COLEC12: variants seen among roughly 807,000 people sequenced by gnomAD.
COLEC12 encodes the protein collectin-12.
COLEC12 carries 33 observed loss-of-function variants against 71.1 expected under a neutral mutation model. The observed-to-expected ratio is 0.46, with a 90% CI of 0.35 to 0.62. COLEC12 has a LOEUF of 0.62. Among genes scored for constraint, COLEC12 ranks in the 20% least tolerant of loss-of-function variants. COLEC12 has a pLI of 0.00. For missense variants in COLEC12, 765 were observed against 916.1 expected (o/e 0.84, Z 2.13); for synonymous variants, 350 against 353.0 (o/e 0.99, Z 0.10).
Position 399,758 on chromosome 18 carries a change from C to T in COLEC12, c.59-42236G>A, listed in dbSNP as rs141739344. On this transcript the variant is annotated intron_variant, in intron 2 of 9. Coordinates refer to ENST00000400256, the MANE Select transcript of COLEC12 (RefSeq NM_130386.3). The surrounding 1 kb of genome is among the most constrained non-coding windows in gnomAD (Gnocchi z 4.0). The stretch of plus-strand genomic sequence containing the variant: ...CGAGCGCTGGGAAGGAATATGCCCT[C>T]GTTCCCCCATCTCCATGACTACCAC... Among the ~76,000 whole-genome samples, 354 of 152,266 alleles carry T rather than the reference C, an allele frequency of 2.3e-3. No homozygotes were observed. Among genetic ancestry groups the T allele is most frequent in the African/African-American group, 8.1e-3 (336 of 41,544 alleles).
At chr18:441,263 AAAT>A (rs1916527037) in intron 2 of COLEC12, among the ~76,000 whole-genome samples, 1 of 151,974 alleles carries the variant, frequency 6.6e-6, no homozygotes, top group Non-Finnish European at 1.5e-5. Flanking sequence ...ATAAATAAAT[AAAT>A]AATAATAAAA....
In COLEC12 at chr18:327,567, T is replaced by C. The variant is rs1008122491; in HGVS notation, c.2063+4101A>G. 2.0e-5 allele frequency among the ~76,000 whole-genome samples: 3 copies of C among 152,236 alleles called. No individual in the cohort carries two copies. Among genetic ancestry groups the C allele is most frequent in the Non-Finnish European group, 4.4e-5 (3 of 68,032 alleles). Reference sequence around the variant, plus strand: ...TCTGTGTGTCCCCTAAGCCTTTGGCTTCTGTTCCATGTCACTATTGCCTTC... The same window carrying C: ...TCTGTGTGTCCCCTAAGCCTTTGGCCTCTGTTCCATGTCACTATTGCCTTC... On this transcript the variant is annotated intron_variant, in intron 8 of 9. Coordinates refer to ENST00000400256, the MANE Select transcript of COLEC12 (RefSeq NM_130386.3). This position sits in a 1 kb window ranked among gnomAD's most constrained non-coding sequence, Gnocchi z 4.0.
At chr18:365,570 T>C (rs115686951) in intron 2 of COLEC12, among the ~76,000 whole-genome samples, 8,007 of 152,152 alleles carry the variant, frequency 0.053, 751 homozygotes, top group African/African-American at 0.18. Flanking sequence ...GCCAAAAAAC[T>C]GCTTGTGGCT....
chr18:500,648 C>T lies in COLEC12; in HGVS notation c.-134G>A, dbSNP rs1917807763. 3.4e-5 allele frequency: 22 copies of T among 641,382 alleles called. No homozygotes were observed. Among genetic ancestry groups the T allele is most frequent in the Non-Finnish European group, 4.1e-5 (20 of 482,276 alleles). 39.7% of individuals were successfully genotyped at this position (641,382 alleles called of 1,614,324 possible). On this transcript the variant is annotated 5_prime_UTR_variant, in exon 1 of 10. Coordinates refer to ENST00000400256, the MANE Select transcript of COLEC12 (RefSeq NM_130386.3). This position sits in a 1 kb window ranked among gnomAD's most constrained non-coding sequence, Gnocchi z 5.3. ...CGCGCCGGCCGTCTGCGCCCCCGTC[C>T]TCCCTCGCCGCCGCCGGCCCGCGCT...
At position 347,015 on chromosome 18, in the gene COLEC12, T is replaced by G; in HGVS notation, c.607A>C (p.Ile203Leu). The G allele has an allele frequency of 6.2e-7, 1 of 1,614,220 alleles. No individual in the cohort carries two copies. The highest frequency in any genetic ancestry group is 8.5e-7 in the Non-Finnish European group (1 of 1,180,038). ...QNQMYSHNVV[I>L]MNLNNLNLTQ... The stretch of plus-strand genomic sequence containing the variant: ...AGGTTCAGGTTGTTGAGGTTCATGA[T>G]GACCACATTATGAGAATACATTTGG... Residue 203 changes from isoleucine to leucine, a missense_variant, in exon 5 of 10, where the codon ATC becomes CTC. Ile to Leu is a conservative substitution (Grantham distance 5). Coordinates refer to ENST00000400256, the MANE Select transcript of COLEC12 (RefSeq NM_130386.3).
At chr18:333,369 TG>T in intron 6 of COLEC12, 1 of 435,702 alleles carries the variant, frequency 2.3e-6, no homozygotes, top group Non-Finnish European at 4.1e-6. Flanking sequence ...GATCTTTGAC[TG>T]GGTCTTTGTT....
intron 3 of COLEC12, among the ~76,000 whole-genome samples, chr18:350,206 G>T (rs201375157): frequency 6.6e-6 from 1 of 152,130 alleles, no homozygotes; most frequent in Non-Finnish European, 1.5e-5. Context: ...GAATCATGGG[G>T]GCGGTTTCCC....
In COLEC12 at chr18:362,245, T is replaced by C. The variant is rs1464022255; in HGVS notation, c.59-4723A>G. Among the ~76,000 whole-genome samples, 1 of 152,286 alleles carries C rather than the reference T, an allele frequency of 6.6e-6. No homozygotes were observed. The highest frequency in any genetic ancestry group is 1.5e-5 in the Non-Finnish European group (1 of 68,020). ...ACCGTGTGCATTTCTCACTGCTGACTCTATCAGCATTTAATCAATATCAGA... is the reference window on the plus strand; with the variant it reads ...ACCGTGTGCATTTCTCACTGCTGACCCTATCAGCATTTAATCAATATCAGA... On this transcript the variant is annotated intron_variant, in intron 2 of 9. Transcript: ENST00000400256. The surrounding 1 kb of genome is among the most constrained non-coding windows in gnomAD (Gnocchi z 4.6).
At chr18:341,848 A>G (rs992996551) in intron 5 of COLEC12, among the ~76,000 whole-genome samples, 5 of 152,080 alleles carry the variant, frequency 3.3e-5, no homozygotes, top group Non-Finnish European at 7.4e-5. Context: ...TCTTGTTCTC[A>G]CTCATTAAAT....
At position 364,348 on chromosome 18, in the gene COLEC12, T is replaced by C. The variant is rs148853130; in HGVS notation, c.59-6826A>G. Among the ~76,000 whole-genome samples, 476 of 152,320 alleles carry C rather than the reference T, an allele frequency of 3.1e-3. 4 individuals carry two copies. The highest frequency in any genetic ancestry group is 0.011 in the African/African-American group (458 of 41,554). ...AACGCCATTATTTTCTCTTTGTGGT[T>C]TTTATAAGAAATCCTTTATTAGATG... On this transcript the variant is annotated intron_variant, in intron 2 of 9. Transcript: ENST00000400256.
At chr18:337,182 A>G (rs1914138517) in intron 5 of COLEC12, among the ~76,000 whole-genome samples, 1 of 152,068 alleles carries the variant, frequency 6.6e-6, no homozygotes, top group African/African-American at 2.4e-5. Context: ...TACTTTTTCT[A>G]CAGAAGCAGA....
chr18:349,232 T>A (rs941354174), intron 3 of COLEC12, among the ~76,000 whole-genome samples: 1 of 152,204 alleles, frequency 6.6e-6, no homozygotes, highest in South Asian at 2.1e-4. Context: ...AGGGACTTGG[T>A]GCCCTGCTTC....
chr18:496,591 G>GA (rs1917717725), intron 1 of COLEC12, among the ~76,000 whole-genome samples: 1 of 152,104 alleles, frequency 6.6e-6, no homozygotes, highest in South Asian at 2.1e-4. Context: ...GAGAGACACT[G>GA]AAAAAGCAAA....
At chr18:369,259 G>T (rs2143529912) in intron 2 of COLEC12, among the ~76,000 whole-genome samples, 1 of 152,160 alleles carries the variant, frequency 6.6e-6, no homozygotes, top group South Asian at 2.1e-4. Context: ...CTGATCCATT[G>T]CATTTAAACA....
In COLEC12 at chr18:425,897, C is replaced by T. The variant is rs114823202; in HGVS notation, c.58+54810G>A. 4.3e-3 allele frequency among the ~76,000 whole-genome samples: 655 copies of T among 152,270 alleles called. 1 individual carries two copies. The highest frequency in any genetic ancestry group is 0.015 in the African/African-American group (625 of 41,550). On this transcript the variant is annotated intron_variant, in intron 2 of 9. Transcript: ENST00000400256. The stretch of plus-strand genomic sequence containing the variant: ...AAGAAAAATGAACCCCAAGCTAAGC[C>T]GAGAGCCATAACATAATCACATCTC...
chr18:468,136 C>T (rs1161519053), intron 2 of COLEC12, among the ~76,000 whole-genome samples: 2 of 151,960 alleles, frequency 1.3e-5, no homozygotes, highest in African/African-American at 4.8e-5. Context: ...GTGTCATGTG[C>T]CTGTAGTCCC....
intron 2 of COLEC12, among the ~76,000 whole-genome samples, chr18:375,792 T>C (rs1473659249): frequency 6.6e-6 from 1 of 152,188 alleles, no homozygotes; most frequent in African/African-American, 2.4e-5. Context: ...CTGCCCATTG[T>C]CTCCCCAGAG....
intron 5 of COLEC12, 62 bp from the exon 6 acceptor site, chr18:335,292 T>C: frequency 1.3e-6 from 2 of 1,511,884 alleles, no homozygotes; most frequent in Non-Finnish European, 8.8e-7. Flanking sequence ...TTATGAATAA[T>C]TTTTCTTCTT....
rs1452114999 is a variant in COLEC12 at position 399,176 on chromosome 18, C to T, written c.59-41654G>A. On this transcript the variant is annotated intron_variant, in intron 2 of 9. Coordinates refer to ENST00000400256, the MANE Select transcript of COLEC12 (RefSeq NM_130386.3). The surrounding 1 kb of genome is among the most constrained non-coding windows in gnomAD (Gnocchi z 4.0). ...AACACAAAAAAACCCCAATCTGAAA[C>T]ACTATCCAAAAAACGCACAGCGGTG... 1.3e-5 allele frequency among the ~76,000 whole-genome samples: 2 copies of T among 152,218 alleles called. No individual in the cohort carries two copies. Among genetic ancestry groups the T allele is most frequent in the Non-Finnish European group, 2.9e-5 (2 of 68,036 alleles).
Sources: allele counts gnomAD v4.1 joint callset (sites outside exome capture counted in the v4.1 genomes callset), GRCh38; gene constraint gnomAD v4.1.1; non-coding constraint Gnocchi (gnomAD v3.1); transcripts MANE v1.5; gene names NCBI Gene and HGNC (gene_info 2026-07-23, HGNC 2026-07-21).